Variants in SNTB1 observed in about 807,000 individuals in gnomAD.
SNTB1 encodes beta-1-syntrophin.
Under a neutral mutation model 48.9 loss-of-function variants are expected in SNTB1, and 36 were observed. That is an observed-to-expected ratio of 0.74 (90% CI 0.56 to 0.97). The LOEUF (loss-of-function observed/expected upper bound fraction) is 0.97. SNTB1 is among the 50% of genes least tolerant of loss of function. SNTB1 has a pLI of 0.00. For missense variants in SNTB1, 786 were observed against 703.4 expected, an observed-to-expected ratio of 1.12 and a Z score of -1.33; for synonymous variants, 299 against 294.6, an observed-to-expected ratio of 1.01 and a Z score of -0.15.
At chr8:120,752,178 T>A (rs1819229970) in intron 1 of SNTB1, among the ~76,000 whole-genome samples, 2 of 152,090 alleles carry the variant, frequency 1.3e-5, no homozygotes, top group Non-Finnish European at 2.9e-5. Flanking sequence ...CAAAAGGGAA[T>A]GAAAATCCAA....
At chr8:120,572,464 A>C (rs1411729052) in intron 4 of SNTB1, among the ~76,000 whole-genome samples, 1 of 152,220 alleles carries the variant, frequency 6.6e-6, no homozygotes, top group Non-Finnish European at 1.5e-5. Context: ...AGCACAAACA[A>C]AAAGAGCTGG....
intron 2 of SNTB1, among the ~76,000 whole-genome samples, chr8:120,633,109 A>G (rs1323457811): frequency 3.3e-5 from 5 of 152,224 alleles, no homozygotes; most frequent in Admixed American, 1.3e-4. Context: ...GTGTTAATCA[A>G]TTAAGCCACA....
intron 2 of SNTB1, among the ~76,000 whole-genome samples, chr8:120,684,203 C>T (rs1817988233): frequency 6.6e-6 from 1 of 152,140 alleles, no homozygotes; most frequent in African/African-American, 2.4e-5. Context: ...GGATGGAGCC[C>T]TTATGACCTA....
intron 5 of SNTB1, among the ~76,000 whole-genome samples, chr8:120,545,418 A>G (rs886633706): frequency 6.6e-6 from 1 of 152,270 alleles, no homozygotes; most frequent in Non-Finnish European, 1.5e-5. Context: ...GAGTGTTCCC[A>G]TGGGCCAGCA....
At chr8:120,611,464 G>A (rs1235618641) in intron 3 of SNTB1, among the ~76,000 whole-genome samples, 2 of 152,148 alleles carry the variant, frequency 1.3e-5, no homozygotes, top group African/African-American at 2.4e-5. Flanking sequence ...AGAAAATTAA[G>A]TTGGAGAAAG....
chr8:120,745,361 ATCCATT>A (rs766237477), intron 1 of SNTB1, among the ~76,000 whole-genome samples: 30 of 151,876 alleles, frequency 2.0e-4, no homozygotes, highest in Non-Finnish European at 3.8e-4. Context: ...CCAGCATTCC[ATCCATT>A]TCCTGCCAGG....
At chr8:120,639,856 A>G (rs543468708) in intron 2 of SNTB1, among the ~76,000 whole-genome samples, 1 of 152,326 alleles carries the variant, frequency 6.6e-6, no homozygotes, top group East Asian at 1.9e-4. Flanking sequence ...TGACTTGGCA[A>G]TGTGGGCTCT....
At chr8:120,706,595 T>C (rs1373320459) in intron 1 of SNTB1, among the ~76,000 whole-genome samples, 1 of 152,184 alleles carries the variant, frequency 6.6e-6, no homozygotes, top group African/African-American at 2.4e-5. Context: ...AGCTATACTC[T>C]AACATCTGAA....
chr8:120,642,068 G>A (rs1277063682), intron 2 of SNTB1, among the ~76,000 whole-genome samples: 1 of 152,098 alleles, frequency 6.6e-6, no homozygotes, highest in Non-Finnish European at 1.5e-5. Context: ...CTGGGGGTGG[G>A]GTCCAGCAAT....
intron 2 of SNTB1, among the ~76,000 whole-genome samples, chr8:120,682,458 C>T (rs976220920): frequency 6.6e-6 from 1 of 152,142 alleles, no homozygotes; most frequent in African/African-American, 2.4e-5. Flanking sequence ...GTACTTGTTT[C>T]CTATTTCAAA....
rs1024860992 is a variant in SNTB1 at position 120,671,330 on chromosome 8, A to C, written c.788+22362T>G. 1.4e-4 allele frequency among the ~76,000 whole-genome samples: 21 copies of C among 152,246 alleles called. 1 individual carries two copies. Among genetic ancestry groups the C allele is most frequent in the Non-Finnish European group, 2.8e-4 (19 of 68,042 alleles). ...TTTGGAAAAAAGATCTTTGCAATGT[A>C]ATTAGTTGAGATGAAATCATATTAT... On this transcript the variant is annotated intron_variant, in intron 2 of 6. Coordinates refer to ENST00000517992, the MANE Select transcript of SNTB1 (RefSeq NM_021021.4).
chr8:120,678,415 G>A (rs1187373727), intron 2 of SNTB1, among the ~76,000 whole-genome samples: 2 of 152,126 alleles, frequency 1.3e-5, no homozygotes, highest in African/African-American at 2.4e-5. Flanking sequence ...AAAAACGAAT[G>A]TCCAACCCTA....
intron 2 of SNTB1, among the ~76,000 whole-genome samples, chr8:120,649,521 C>A (rs1476735766): frequency 7.1e-6 from 1 of 140,668 alleles, no homozygotes; most frequent in African/African-American, 2.6e-5. Context: ...GCAGTCTGCC[C>A]GTTCTCAGAT....
At chr8:120,570,269 A>G (rs534393916) in intron 4 of SNTB1, 1 of 152,128 alleles carries the variant, frequency 6.6e-6, no homozygotes, top group South Asian at 2.1e-4. Flanking sequence ...TTTCTTTACA[A>G]TGGAATCAGG....
Position 120,543,680 on chromosome 8 carries a change from C to T in SNTB1, c.1334-1680G>A, listed in dbSNP as rs906911714. ...GAATAATGACAGTAGGCGGGGAGGC[C>T]TCCAAAGTTTCCGGGAAGAAATAGA... On this transcript the variant is annotated intron_variant, in intron 5 of 6. Coordinates refer to ENST00000517992, the MANE Select transcript of SNTB1 (RefSeq NM_021021.4). Among the ~76,000 whole-genome samples the T allele has an allele frequency of 3.4e-4, 52 of 152,122 alleles. 1 individual carries two copies. Among genetic ancestry groups the T allele is most frequent in the Non-Finnish European group, 1.3e-4 (9 of 68,018 alleles).
At chr8:120,614,613 G>A (rs1445194787) in intron 3 of SNTB1, among the ~76,000 whole-genome samples, 1 of 152,194 alleles carries the variant, frequency 6.6e-6, no homozygotes, top group African/African-American at 2.4e-5. Flanking sequence ...ACGCCTGGAG[G>A]TCTTAAATCT....
At chr8:120,803,827 A>T (rs757557093) in intron 1 of SNTB1, among the ~76,000 whole-genome samples, 19 of 152,212 alleles carry the variant, frequency 1.2e-4, no homozygotes, top group Non-Finnish European at 2.2e-4. Flanking sequence ...GACAGTTTTC[A>T]TCTCCTCAGG....
chr8:120,779,779 A>G (rs1301488369), intron 1 of SNTB1, among the ~76,000 whole-genome samples: 1 of 152,208 alleles, frequency 6.6e-6, no homozygotes, highest in African/African-American at 2.4e-5. Context: ...GGAGTTTGAC[A>G]GGAGAGTGAA....
intron 1 of SNTB1, among the ~76,000 whole-genome samples, chr8:120,775,032 G>A (rs1175611609): frequency 1.3e-5 from 2 of 152,186 alleles, no homozygotes; most frequent in Admixed American, 6.5e-5. Flanking sequence ...TACTATCTAT[G>A]AGGCGGCTCA....
Sources: gnomAD v4.1 joint callset for allele counts (sites outside exome capture counted in the v4.1 genomes callset) on GRCh38, gnomAD v4.1.1 for gene constraint, MANE v1.5 for transcripts, NCBI Gene and HGNC (gene_info 2026-07-23, HGNC 2026-07-21) for gene names.